PDE4D: variants seen among roughly 807,000 people sequenced by gnomAD.
The protein encoded by PDE4D is 3',5'-cyclic-AMP phosphodiesterase 4D.
A neutral mutation model predicts 87.4 loss-of-function variants in PDE4D; 24 were observed. That is an observed-to-expected ratio of 0.27 (90% CI 0.20 to 0.39). PDE4D has a LOEUF of 0.39. PDE4D is among the 10% of genes least tolerant of loss of function. The pLI, the probability that PDE4D is intolerant of heterozygous loss-of-function variation, is 1.00. For synonymous variants in PDE4D, 384 were observed against 383.2 expected, an observed-to-expected ratio of 1.00 and a Z score of -0.02; for missense variants, 714 against 1,041.0, an observed-to-expected ratio of 0.69 and a Z score of 4.32.
intron 1 of PDE4D, chr5:59,587,554 C>T (rs1026597203): frequency 1.0e-6 from 1 of 985,378 alleles, no homozygotes; most frequent in Non-Finnish European, 1.2e-6. Flanking sequence ...CCTTGTCTGC[C>T]CTGGGCTGTG....
intron 1 of PDE4D, among the ~76,000 whole-genome samples, chr5:59,305,872 T>G (rs1249731125): frequency 6.6e-6 from 1 of 151,836 alleles, no homozygotes; most frequent in Non-Finnish European, 1.5e-5. Context: ...AATGTATATT[T>G]TGCAGTTGTT....
intron 1 of PDE4D, among the ~76,000 whole-genome samples, chr5:60,446,679 G>A (rs988975147): frequency 3.3e-5 from 5 of 152,080 alleles, no homozygotes; most frequent in South Asian, 2.1e-4. Context: ...ACACAACACC[G>A]AAAGCAGCAG....
intron 1 of PDE4D, among the ~76,000 whole-genome samples, chr5:60,266,319 T>C (rs1048966360): frequency 2.6e-5 from 4 of 152,122 alleles, no homozygotes; most frequent in African/African-American, 9.7e-5. Context: ...TGGAGAGACA[T>C]AGATAGTGGA....
intron 1 of PDE4D, among the ~76,000 whole-genome samples, chr5:59,585,173 G>A (rs972946400): frequency 5.3e-5 from 8 of 152,144 alleles, no homozygotes; most frequent in African/African-American, 1.9e-4. Context: ...GACTCTGGAT[G>A]GATCTGGTGT....
intron 1 of PDE4D, among the ~76,000 whole-genome samples, chr5:59,501,413 A>C (rs1808266037): frequency 6.6e-6 from 1 of 152,192 alleles, no homozygotes; most frequent in Non-Finnish European, 1.5e-5. Context: ...AGGAGCTTGC[A>C]ACTTTTGGAG....
At chr5:60,151,829 G>A (rs1382648229) in intron 2 of PDE4D, among the ~76,000 whole-genome samples, 1 of 152,120 alleles carries the variant, frequency 6.6e-6, no homozygotes, top group Non-Finnish European at 1.5e-5. Context: ...AGACCTTATA[G>A]AAAAAGCTTT....
intron 1 of PDE4D, among the ~76,000 whole-genome samples, chr5:60,317,617 G>C (rs1755759360): frequency 6.6e-6 from 1 of 152,034 alleles, no homozygotes; most frequent in South Asian, 2.1e-4. Context: ...TTTCTCTTGT[G>C]GGCATTTAGT....
In PDE4D at chr5:60,305,071, A is replaced by AC. The variant is rs1754367090; in HGVS notation, c.-89-119385_-89-119384insG. On this transcript the variant is annotated intron_variant, in intron 1 of 16. Transcript: ENST00000502484. ...CACACACACACACACACACACACACAACACACAACAGGGGAAAGAGAATAG... is the reference window on the plus strand; with the variant it reads ...CACACACACACACACACACACACACACACACACAACAGGGGAAAGAGAATAG... 7.5e-5 allele frequency among the ~76,000 whole-genome samples: 11 copies of AC among 145,812 alleles called. No individual in the cohort carries two copies. The South Asian group carries it at 1.8e-3, about 23-fold the overall frequency.
At chr5:59,557,790 T>TC (rs1391096633) in intron 1 of PDE4D, among the ~76,000 whole-genome samples, 2 of 152,152 alleles carry the variant, frequency 1.3e-5, no homozygotes, top group East Asian at 3.8e-4. Flanking sequence ...GAATCAGCAT[T>TC]CCTATATTTG....
chr5:60,388,434 T>A (rs1192703038), intron 1 of PDE4D, among the ~76,000 whole-genome samples: 1 of 152,138 alleles, frequency 6.6e-6, no homozygotes, highest in Non-Finnish European at 1.5e-5. Context: ...ACGTGCAGGT[T>A]TGTTACACAG....
intron 1 of PDE4D, among the ~76,000 whole-genome samples, chr5:59,599,411 T>A (rs1434783495): frequency 2.6e-5 from 4 of 151,508 alleles, no homozygotes; most frequent in Non-Finnish European, 5.9e-5. Flanking sequence ...TTTATTTTTT[T>A]TTTATTTTTA....
At chr5:60,519,296 C>T (rs889750103) in intron 1 of PDE4D, among the ~76,000 whole-genome samples, 6 of 152,236 alleles carry the variant, frequency 3.9e-5, no homozygotes, top group African/African-American at 1.4e-4. Context: ...CAGCTGAGAA[C>T]TGATTTCTCA....
intron 1 of PDE4D, among the ~76,000 whole-genome samples, chr5:59,763,351 ATC>A (rs1762408334): frequency 6.6e-6 from 1 of 152,014 alleles, no homozygotes; most frequent in African/African-American, 2.4e-5. Context: ...ATAAAAAAAA[ATC>A]TGAGTCGTGG....
chr5:59,513,271 T>G (rs1230795048), intron 1 of PDE4D, among the ~76,000 whole-genome samples: 2 of 152,298 alleles, frequency 1.3e-5, no homozygotes, highest in South Asian at 2.1e-4. Flanking sequence ...CCCAAAAGAA[T>G]GATCAAAGCT....
chr5:60,511,616 G>A (rs1010709544), intron 1 of PDE4D, among the ~76,000 whole-genome samples: 1 of 151,460 alleles, frequency 6.6e-6, no homozygotes, highest in African/African-American at 2.4e-5. Flanking sequence ...AGCATTGTAA[G>A]GTAGAAATTA....
chr5:60,067,197 T>C, intron 2 of PDE4D, among the ~76,000 whole-genome samples: 1 of 152,082 alleles, frequency 6.6e-6, no homozygotes, highest in East Asian at 1.9e-4. Context: ...TCTTTCATTG[T>C]TAATCCCAGT....
chr5:58,984,361 G>T (rs1251466282), intron 11 of PDE4D, among the ~76,000 whole-genome samples: 2 of 152,172 alleles, frequency 1.3e-5, no homozygotes, highest in African/African-American at 4.8e-5. Context: ...CAGCTCTTAA[G>T]AGCCAGGGAT....
At chr5:60,501,004 T>G (rs1583944720) in intron 1 of PDE4D, among the ~76,000 whole-genome samples, 1 of 152,108 alleles carries the variant, frequency 6.6e-6, no homozygotes, top group African/African-American at 2.4e-5. Context: ...TTAATTTAAT[T>G]TTATTATTAT....
At chr5:59,024,162 G>T (rs981737570) in intron 6 of PDE4D, among the ~76,000 whole-genome samples, 1 of 149,326 alleles carries the variant, frequency 6.7e-6, no homozygotes, top group Non-Finnish European at 1.5e-5. Flanking sequence ...AAAGTGCTGG[G>T]ATTACAGGTG....
Sources: allele counts gnomAD v4.1 joint callset (sites outside exome capture counted in the v4.1 genomes callset), GRCh38; gene constraint gnomAD v4.1.1; transcripts MANE v1.5; gene names NCBI Gene and HGNC (gene_info 2026-07-23, HGNC 2026-07-21).